The following CHST8 variants were observed in gnomAD, a reference collection of about 807,000 sequenced individuals.
CHST8 encodes the protein carbohydrate sulfotransferase 8.
A neutral mutation model predicts 15.0 loss-of-function variants in CHST8; 10 were observed. That is an observed-to-expected ratio of 0.67 (90% CI 0.41 to 1.13). The LOEUF is 1.13. Among genes scored for constraint, CHST8 ranks in the 50% most tolerant of loss-of-function variants. The pLI, the probability that CHST8 is intolerant of heterozygous loss-of-function variation, is 0.00. For synonymous variants in CHST8, 259 were observed against 256.6 expected (o/e 1.01, Z -0.09); for missense variants, 634 against 608.2 (o/e 1.04, Z -0.45).
intron 1 of CHST8, among the ~76,000 whole-genome samples, chr19:33,633,488 C>T (rs1399918320): frequency 1.3e-5 from 2 of 151,930 alleles, no homozygotes; most frequent in Non-Finnish European, 2.9e-5. Flanking sequence ...AACTCCTGGG[C>T]TCATGCCAGC....
intron 3 of CHST8, among the ~76,000 whole-genome samples, chr19:33,690,509 G>A (rs559505628): frequency 3.9e-5 from 6 of 152,328 alleles, no homozygotes; most frequent in African/African-American, 9.6e-5. Flanking sequence ...AGCACAAGGA[G>A]GCCAGAGCTG....
intron 1 of CHST8, among the ~76,000 whole-genome samples, chr19:33,659,915 T>C (rs1972564676): frequency 6.6e-6 from 1 of 152,250 alleles, no homozygotes; most frequent in South Asian, 2.1e-4. Flanking sequence ...GAAGCTATGT[T>C]GTGAGACGTA....
chr19:33,721,867 AGATG>A (rs1393505452), intron 3 of CHST8, among the ~76,000 whole-genome samples: 4 of 142,934 alleles, frequency 2.8e-5, no homozygotes, highest in Admixed American at 1.4e-4. Context: ...ATGGATGGAC[AGATG>A]GATGGATGGG....
intron 3 of CHST8, among the ~76,000 whole-genome samples, chr19:33,742,314 C>T (rs574694170): frequency 4.0e-4 from 61 of 152,250 alleles, no homozygotes; most frequent in African/African-American, 1.2e-3. Flanking sequence ...TTAAAAGAAA[C>T]GAGGCTTATT....
At chr19:33,743,534 C>T (rs181648864) in intron 3 of CHST8, among the ~76,000 whole-genome samples, 11 of 152,204 alleles carry the variant, frequency 7.2e-5, no homozygotes, top group African/African-American at 2.6e-4. Flanking sequence ...ATCTCCTGAC[C>T]TCGTGATCTG....
intron 1 of CHST8, among the ~76,000 whole-genome samples, 171 bp downstream of exon 1, chr19:33,622,467 T>G (rs2145427243): frequency 6.6e-6 from 1 of 152,254 alleles, no homozygotes; most frequent in African/African-American, 2.4e-5. Context: ...CGCGCGGGGC[T>G]CGGGTCTGGT....
At chr19:33,695,821 C>CTTTCTTTCTTTCTTTCTTTCTTTTTTTT (rs57718433) in intron 3 of CHST8, among the ~76,000 whole-genome samples, 15 of 76,238 alleles carry the variant, frequency 2.0e-4, no homozygotes, top group African/African-American at 5.0e-4. Flanking sequence ...TTCTTTCTTT[C>CTTTCTTTCTTTCTTTCTTTCTTTTTTTT]TTTTTTTTTT....
At chr19:33,722,857 G>T (rs1320041966) in intron 3 of CHST8, among the ~76,000 whole-genome samples, 1 of 152,206 alleles carries the variant, frequency 6.6e-6, no homozygotes, top group African/African-American at 2.4e-5. Context: ...CTGCTGATAT[G>T]AATACACTAA....
At chr19:33,663,001 G>C (rs1004943741) in intron 1 of CHST8, among the ~76,000 whole-genome samples, 2 of 152,156 alleles carry the variant, frequency 1.3e-5, no homozygotes, top group African/African-American at 4.8e-5. Flanking sequence ...ACTCTGCCAG[G>C]AAAGGCTCAG....
chr19:33,762,884 T>G (rs1238037271), intron 3 of CHST8, among the ~76,000 whole-genome samples: 1 of 148,068 alleles, frequency 6.8e-6, no homozygotes, highest in Non-Finnish European at 1.5e-5. Flanking sequence ...TTTTTTGAGA[T>G]GGAGCCTTGC....
chr19:33,769,364 C>T (rs1419525384), intron 3 of CHST8, among the ~76,000 whole-genome samples: 1 of 152,206 alleles, frequency 6.6e-6, no homozygotes, highest in East Asian at 1.9e-4. Flanking sequence ...GATGAGATGA[C>T]AGGAGTGACA....
At position 33,773,129 on chromosome 19, in the gene CHST8, T is replaced by G; in HGVS notation, c.*66T>G. 6.8e-7 allele frequency: 1 copy of G among 1,477,614 alleles called. No homozygotes were observed. The highest frequency in any genetic ancestry group is 9.0e-7 in the Non-Finnish European group (1 of 1,110,172). The allele number at this position is 1,477,614 out of a possible 1,614,324, so 91.5% of individuals were successfully genotyped here. A position where few individuals can be genotyped will look rare whatever the true frequency, so the allele number is the denominator to read the frequency against. The stretch of plus-strand genomic sequence containing the variant: ...TCACCTGTGCTCCCGGGCATCCTCC[T>G]GTCCCTGGCTCCTCATCCTGGGAGC... On this transcript the variant is annotated 3_prime_UTR_variant, in exon 5 of 5. Coordinates refer to ENST00000650847, the MANE Select transcript of CHST8 (RefSeq NM_001127895.2).
chr19:33,675,138 C>T (rs748616816), intron 2 of CHST8, among the ~76,000 whole-genome samples: 2 of 152,180 alleles, frequency 1.3e-5, no homozygotes, highest in Non-Finnish European at 2.9e-5. Flanking sequence ...CTCTTGTCTC[C>T]TACTCACTGA....
At chr19:33,680,326 G>C (rs1972869639) in intron 2 of CHST8, among the ~76,000 whole-genome samples, 1 of 151,944 alleles carries the variant, frequency 6.6e-6, no homozygotes, top group African/African-American at 2.4e-5. Flanking sequence ...TCCCATTCTG[G>C]GCCTCGAGCA....
intron 3 of CHST8, among the ~76,000 whole-genome samples, chr19:33,738,585 G>GT (rs919013783): frequency 8.5e-5 from 13 of 152,080 alleles, no homozygotes; most frequent in Non-Finnish European, 1.9e-4. Flanking sequence ...GAGAGTGCAA[G>GT]TTTTTTCTTT....
intron 3 of CHST8, among the ~76,000 whole-genome samples, chr19:33,767,941 ACTC>A (rs1974884588): frequency 6.6e-6 from 1 of 151,790 alleles, no homozygotes; most frequent in Non-Finnish European, 1.5e-5. Context: ...TGAGGCCAAA[ACTC>A]CTTCCCACCC....
At chr19:33,623,129 A>G (rs554769953) in intron 1 of CHST8, among the ~76,000 whole-genome samples, 2 of 152,024 alleles carry the variant, frequency 1.3e-5, no homozygotes, top group Admixed American at 6.5e-5. Context: ...TTCCTTCTCC[A>G]GTGCGGGACT....
intron 3 of CHST8, among the ~76,000 whole-genome samples, chr19:33,754,272 G>A (rs984538738): frequency 7.3e-5 from 11 of 150,450 alleles, no homozygotes; most frequent in African/African-American, 2.2e-4. Flanking sequence ...TGGGCCTGGG[G>A]CCTCATACCT....
rs143498890 is a variant in CHST8, at chr19:33,653,186, A to G, written c.-163-14581A>G. Reference sequence around the variant, plus strand: ...TTAGTAGTTCTTTCAGGGAAGGCCTATGTAAACTCTCTTGGACATTGTTCA... The same window carrying G: ...TTAGTAGTTCTTTCAGGGAAGGCCTGTGTAAACTCTCTTGGACATTGTTCA... On this transcript the variant is annotated intron_variant, in intron 1 of 4. Coordinates refer to ENST00000650847, the MANE Select transcript of CHST8 (RefSeq NM_001127895.2). Among the ~76,000 whole-genome samples the G allele has an allele frequency of 3.1e-4, 47 of 152,292 alleles. 1 individual carries two copies. The East Asian group carries it at 8.1e-3, about 26-fold the overall frequency.
Sources: gnomAD v4.1 joint callset for allele counts (sites outside exome capture counted in the v4.1 genomes callset) on GRCh38, gnomAD v4.1.1 for gene constraint, MANE v1.5 for transcripts, NCBI Gene and HGNC (gene_info 2026-07-23, HGNC 2026-07-21) for gene names.